MTHFD2L: variants seen among roughly 807,000 people sequenced by gnomAD.
MTHFD2L encodes bifunctional methylenetetrahydrofolate dehydrogenase/cyclohydrolase 2, mitochondrial.
Under a neutral mutation model 34.9 loss-of-function variants are expected in MTHFD2L, and 29 were observed. The ratio of observed to expected loss-of-function variants is 0.83; its 90% confidence interval spans 0.62 to 1.13. The LOEUF (loss-of-function observed/expected upper bound fraction) is 1.13, where lower values mean the gene tolerates loss of function less well. MTHFD2L is among the 50% of genes most tolerant of loss of function. The probability of loss-of-function intolerance (pLI) is 0.00; values close to 1 mark genes in which losing one functional copy is unlikely to be tolerated. For missense variants in MTHFD2L, 481 were observed against 446.5 expected (o/e 1.08, Z -0.70); for synonymous variants, 167 against 155.7 (o/e 1.07, Z -0.54).
At chr4:74,241,960 A>G (rs1741780879) in intron 6 of MTHFD2L, 1 of 154,142 alleles carries the variant, frequency 6.5e-6, no homozygotes, top group Non-Finnish European at 1.4e-5. Flanking sequence ...GGAGTCAAGG[A>G]CAGGTTGATG....
intron 7 of MTHFD2L, among the ~76,000 whole-genome samples, chr4:74,291,081 G>A (rs1480655796): frequency 2.0e-4 from 24 of 121,044 alleles, no homozygotes; most frequent in African/African-American, 6.5e-4. Flanking sequence ...GCAGTGGTGC[G>A]ATCTTGGCTC....
intron 1 of MTHFD2L, chr4:74,161,195 A>G (rs1725386275): frequency 1.3e-5 from 2 of 152,218 alleles, no homozygotes; most frequent in African/African-American, 4.8e-5. Context: ...TTTTGGAACT[A>G]GTAAAAGATA....
chr4:74,267,869 C>T lies in MTHFD2L; in HGVS notation c.806-13556C>T, dbSNP rs566047503. 86 of 985,306 alleles carry T rather than the reference C, an allele frequency of 8.7e-5. No individual in the cohort carries two copies. The African/African-American group carries it at 1.4e-3, about 16-fold the overall frequency. The allele number at this position is 985,306 out of a possible 1,614,324, so 61.0% of individuals were successfully genotyped here. A position where few individuals can be genotyped will look rare whatever the true frequency, so the allele number is the denominator to read the frequency against. ...ATGAATTTCTGAATATAAGAGGATTCCAAAGCCCTAGACGATCCAATATGG... is the reference window on the plus strand; with the variant it reads ...ATGAATTTCTGAATATAAGAGGATTTCAAAGCCCTAGACGATCCAATATGG... On this transcript the variant is annotated intron_variant, in intron 6 of 7. Coordinates refer to ENST00000325278, the MANE Select transcript of MTHFD2L (RefSeq NM_001144978.3).
At chr4:74,189,781 TTTA>T (rs1732145571) in intron 3 of MTHFD2L, among the ~76,000 whole-genome samples, 1 of 152,148 alleles carries the variant, frequency 6.6e-6, no homozygotes, top group South Asian at 2.1e-4. Context: ...AAGTTACTTT[TTTA>T]TTTTTTTCTT....
chr4:74,289,092 T>A (rs769854436), intron 7 of MTHFD2L, among the ~76,000 whole-genome samples: 10 of 152,178 alleles, frequency 6.6e-5, no homozygotes, highest in Non-Finnish European at 1.5e-4. Context: ...AACAGTGACC[T>A]AAAAAGACAA....
At chr4:74,268,806 C>T (rs1295714060) in intron 6 of MTHFD2L, among the ~76,000 whole-genome samples, 1 of 152,106 alleles carries the variant, frequency 6.6e-6, no homozygotes, top group Non-Finnish European at 1.5e-5. Context: ...AGGATATAGC[C>T]TCCCACTAGC....
At chr4:74,258,912 A>C (rs1744356967) in intron 6 of MTHFD2L, among the ~76,000 whole-genome samples, 1 of 152,148 alleles carries the variant, frequency 6.6e-6, no homozygotes, top group South Asian at 2.1e-4. Flanking sequence ...CAGTAAAAAA[A>C]ATAAATAAAT....
chr4:74,194,831 A>G (rs188335109), intron 3 of MTHFD2L: 2 of 148,466 alleles, frequency 1.3e-5, no homozygotes, highest in Admixed American at 1.4e-4. Context: ...CTCACTTCTG[A>G]TTTCTGTGTG....
At chr4:74,272,162 G>T (rs1746079747) in intron 6 of MTHFD2L, among the ~76,000 whole-genome samples, 1 of 152,156 alleles carries the variant, frequency 6.6e-6, no homozygotes, top group Non-Finnish European at 1.5e-5. Flanking sequence ...TTTTAAGAAA[G>T]AGATAAATCA....
At chr4:74,196,543 G>T (rs1578428923) in intron 3 of MTHFD2L, among the ~76,000 whole-genome samples, 1 of 152,304 alleles carries the variant, frequency 6.6e-6, no homozygotes, top group Non-Finnish European at 1.5e-5. Context: ...TTTTTAAACA[G>T]TAATGTTGTA....
upstream of MTHFD2L, among the ~76,000 whole-genome samples, chr4:74,155,865 T>C (rs1438976428): frequency 6.7e-6 from 1 of 150,288 alleles, no homozygotes; most frequent in Non-Finnish European, 1.5e-5. Flanking sequence ...TTTAAACAAA[T>C]GTCCCTCCAC....
At chr4:74,265,795 G>T (rs1302404589) in intron 6 of MTHFD2L, among the ~76,000 whole-genome samples, 2 of 152,110 alleles carry the variant, frequency 1.3e-5, no homozygotes, top group African/African-American at 4.8e-5. Context: ...CATATGATTT[G>T]CTAAGCTTAA....
intron 6 of MTHFD2L, among the ~76,000 whole-genome samples, chr4:74,265,168 G>A (rs1328583988): frequency 1.3e-5 from 2 of 152,108 alleles, no homozygotes; most frequent in East Asian, 1.9e-4. Context: ...CTATGGTTTG[G>A]TGGGGGATTG....
intron 6 of MTHFD2L, among the ~76,000 whole-genome samples, chr4:74,244,480 T>C (rs927196162): frequency 1.3e-5 from 2 of 150,846 alleles, no homozygotes; most frequent in African/African-American, 4.8e-5. Flanking sequence ...AAAAGCAGTA[T>C]CCCCACTGTG....
intron 6 of MTHFD2L, among the ~76,000 whole-genome samples, chr4:74,258,924 ACTTGTG>A (rs1744359362): frequency 6.6e-6 from 1 of 152,216 alleles, no homozygotes. Context: ...TAAATAAATA[ACTTGTG>A]AAAAATATTT....
chr4:74,214,472 G>A (rs944580493), intron 5 of MTHFD2L, among the ~76,000 whole-genome samples: 3 of 151,882 alleles, frequency 2.0e-5, no homozygotes, highest in Non-Finnish European at 4.4e-5. Flanking sequence ...CCCCTCTGCT[G>A]CAGGTCTGCT....
At chr4:74,132,976 T>C (rs1177158942) in intron 1 of MTHFD2L, among the ~76,000 whole-genome samples, 2 of 152,184 alleles carry the variant, frequency 1.3e-5, no homozygotes, top group African/African-American at 4.8e-5. Flanking sequence ...TACCAGTGGG[T>C]TTTATACCTT....
chr4:74,132,654 G>A (rs1206966324), intron 1 of MTHFD2L, among the ~76,000 whole-genome samples: 4 of 152,024 alleles, frequency 2.6e-5, no homozygotes, highest in Non-Finnish European at 4.4e-5. Context: ...GGGTTGATGG[G>A]TGCAGCAAAC....
intron 6 of MTHFD2L, among the ~76,000 whole-genome samples, chr4:74,250,785 A>T (rs752075481): frequency 9.2e-5 from 14 of 152,108 alleles, no homozygotes; most frequent in Non-Finnish European, 2.1e-4. Context: ...TGCCTACAAC[A>T]CACATCTGTA....
Sources: gnomAD v4.1 joint callset for allele counts (sites outside exome capture counted in the v4.1 genomes callset) on GRCh38, gnomAD v4.1.1 for gene constraint, MANE v1.5 for transcripts, NCBI Gene and HGNC (gene_info 2026-07-23, HGNC 2026-07-21) for gene names.